Variants in PACSIN1 observed in about 807,000 individuals in gnomAD.
The protein encoded by PACSIN1 is protein kinase C and casein kinase substrate in neurons 1.
A neutral mutation model predicts 59.5 loss-of-function variants in PACSIN1; 15 were observed. The observed-to-expected ratio is 0.25, with a 90% CI of 0.17 to 0.39. PACSIN1 has a LOEUF of 0.39. PACSIN1 is among the 10% of genes least tolerant of loss of function. PACSIN1 has a pLI of 1.00. For missense variants in PACSIN1, 420 were observed against 580.2 expected, an observed-to-expected ratio of 0.72 and a Z score of 2.84; for synonymous variants, 210 against 220.6, an observed-to-expected ratio of 0.95 and a Z score of 0.42.
chr6:34,524,624 A>C (rs1767452566), intron 1 of PACSIN1, among the ~76,000 whole-genome samples: 1 of 152,214 alleles, frequency 6.6e-6, no homozygotes, highest in African/African-American at 2.4e-5. Flanking sequence ...TTATTGACCC[A>C]GCCCTCTGTG....
At chr6:34,474,790 GAAAAAAAA>G (rs60232588) in intron 1 of PACSIN1, among the ~76,000 whole-genome samples, 1 of 78,332 alleles carries the variant, frequency 1.3e-5, no homozygotes, top group African/African-American at 5.6e-5. Flanking sequence ...CTCTGTCTCA[GAAAAAAAA>G]AAAAAAAAAA....
chr6:34,467,137 ACTGT>A (rs138392602), intron 1 of PACSIN1, among the ~76,000 whole-genome samples: 223 of 152,290 alleles, frequency 1.5e-3, no homozygotes, highest in African/African-American at 5.1e-3. Context: ...TGCAAACAGG[ACTGT>A]CTGTCAGTGA....
chr6:34,513,075 C>T lies in PACSIN1; in HGVS notation c.-63-13168C>T, dbSNP rs1171283614. The stretch of plus-strand genomic sequence containing the variant: ...TCAAGGGCAGGGACTCTGTTTTGCC[C>T]ACAGCTGTATCTCAGTGTCTAGAAC... On this transcript the variant is annotated intron_variant, in intron 1 of 9. Coordinates refer to ENST00000244458, the MANE Select transcript of PACSIN1 (RefSeq NM_020804.5). Among the ~76,000 whole-genome samples, 6 of 152,182 alleles carry T rather than the reference C, an allele frequency of 3.9e-5. No homozygotes were observed. The South Asian group carries it at 6.2e-4, about 16-fold the overall frequency.
At position 34,514,145 on chromosome 6, in the gene PACSIN1, G is replaced by T. The variant is rs1767248461; in HGVS notation, c.-63-12098G>T. Among the ~76,000 whole-genome samples, 1 of 152,228 alleles carries T rather than the reference G, an allele frequency of 6.6e-6. No homozygotes were observed. The highest frequency in any genetic ancestry group is 2.4e-5 in the African/African-American group (1 of 41,444). On this transcript the variant is annotated intron_variant, in intron 1 of 9. Coordinates refer to ENST00000244458, the MANE Select transcript of PACSIN1 (RefSeq NM_020804.5). The surrounding 1 kb of genome is among the most constrained non-coding windows in gnomAD (Gnocchi z 4.4). ...GTGCAAATATATGTAATGGGCGTTT[G>T]TATCTGTAAGTGTGTTGTTGGGGTG...
At chr6:34,499,553 G>A (rs1469769465) in intron 1 of PACSIN1, among the ~76,000 whole-genome samples, 2 of 152,114 alleles carry the variant, frequency 1.3e-5, no homozygotes, top group Non-Finnish European at 2.9e-5. Flanking sequence ...CAGCACTTTG[G>A]GAGGCTGAGG....
chr6:34,519,067 G>A (rs180918130), intron 1 of PACSIN1, among the ~76,000 whole-genome samples: 1 of 152,298 alleles, frequency 6.6e-6, no homozygotes, highest in East Asian at 1.9e-4. Flanking sequence ...GGAGAGCACA[G>A]GGGTGGTGAA....
At chr6:34,491,532 T>C (rs1766876541) in intron 1 of PACSIN1, among the ~76,000 whole-genome samples, 1 of 152,018 alleles carries the variant, frequency 6.6e-6, no homozygotes, top group African/African-American at 2.4e-5. Flanking sequence ...GGAGGGTCGC[T>C]GCTGGGAAGT....
At chr6:34,506,632 TG>T (rs1767120300) in intron 1 of PACSIN1, among the ~76,000 whole-genome samples, 1 of 152,150 alleles carries the variant, frequency 6.6e-6, no homozygotes, top group Admixed American at 6.5e-5. Context: ...TAATGCCAGG[TG>T]GGGGTAGAAA....
intron 1 of PACSIN1, among the ~76,000 whole-genome samples, chr6:34,485,730 C>T (rs1766783932): frequency 1.3e-5 from 2 of 152,172 alleles, no homozygotes; most frequent in Non-Finnish European, 2.9e-5. Flanking sequence ...CAGACCTGAG[C>T]CCTGGCCCTG....
intron 1 of PACSIN1, among the ~76,000 whole-genome samples, chr6:34,485,932 C>G (rs1766786939): frequency 6.6e-6 from 1 of 152,250 alleles, no homozygotes. Context: ...ATGGACAGGC[C>G]TTTCCAGGAG....
rs185780943 is a variant in PACSIN1, at chr6:34,517,909, C to T, written c.-63-8334C>T. Among the ~76,000 whole-genome samples the T allele has an allele frequency of 6.6e-5, 10 of 152,340 alleles. No homozygotes were observed. In the East Asian group the frequency reaches 1.9e-3, roughly 29 times the overall value. On this transcript the variant is annotated intron_variant, in intron 1 of 9. Transcript: ENST00000244458. ...CACTGCTGTAGCCCAGCTCTGCACCCTGAGAATCAGGGCTGCAGTGTAAAG... is the reference window on the plus strand; with the variant it reads ...CACTGCTGTAGCCCAGCTCTGCACCTTGAGAATCAGGGCTGCAGTGTAAAG...
intron 1 of PACSIN1, among the ~76,000 whole-genome samples, chr6:34,475,194 T>TG (rs1766621458): frequency 6.6e-6 from 1 of 152,158 alleles, no homozygotes; most frequent in Admixed American, 6.5e-5. Flanking sequence ...AGGGTTTGGG[T>TG]GGGGGCAGAG....
chr6:34,497,868 G>A (rs773570129), intron 1 of PACSIN1, among the ~76,000 whole-genome samples: 49 of 152,204 alleles, frequency 3.2e-4, no homozygotes, highest in Middle Eastern at 3.4e-3. Context: ...CATGGGCCAC[G>A]CCTCATGCTA....
At chr6:34,528,975 A>G (rs1027319890) in intron 4 of PACSIN1, 98 bp downstream of exon 4, 18 of 931,904 alleles carry the variant, frequency 1.9e-5, no homozygotes, top group Admixed American at 4.1e-5. Context: ...TGGGCTGGGC[A>G]CTGCCCTCTG....
intron 1 of PACSIN1, among the ~76,000 whole-genome samples, chr6:34,512,214 G>A (rs1360745963): frequency 6.6e-6 from 1 of 151,944 alleles, no homozygotes; most frequent in Admixed American, 6.6e-5. Flanking sequence ...GGCTGAGGGT[G>A]GATGCTCTCT....
At chr6:34,526,902 C>T (rs1767494990) in intron 2 of PACSIN1, among the ~76,000 whole-genome samples, 1 of 152,166 alleles carries the variant, frequency 6.6e-6, no homozygotes, top group South Asian at 2.1e-4. Context: ...AATTAATAAG[C>T]GTTTAATGAG....
In PACSIN1 at chr6:34,531,500, T is replaced by G. The variant is rs1293888376; in HGVS notation, c.1038-100T>G. 1 of 1,235,778 alleles carries G rather than the reference T, an allele frequency of 8.1e-7. No individual in the cohort carries two copies. Among genetic ancestry groups the G allele is most frequent in the Non-Finnish European group, 1.2e-6 (1 of 863,062 alleles). 76.6% of individuals were successfully genotyped at this position (1,235,778 alleles called of 1,614,324 possible). A position where few individuals can be genotyped will look rare whatever the true frequency, so the allele number is the denominator to read the frequency against. ...ATGTGGCCAATCCTTGCTCTAGCCT[T>G]GGTAGAATTCGGGATCAGGGCTCTG... On this transcript the variant is annotated intron_variant, in intron 8 of 9. Transcript: ENST00000244458. The surrounding 1 kb of genome is among the most constrained non-coding windows in gnomAD (Gnocchi z 4.4).
intron 1 of PACSIN1, among the ~76,000 whole-genome samples, chr6:34,504,246 A>ATGTG (rs372732742): frequency 3.0e-3 from 327 of 107,810 alleles, no homozygotes; most frequent in South Asian, 0.018. Context: ...AGACAATGTT[A>ATGTG]TGTGTGTGTG....
chr6:34,519,610 C>T (rs1767353365), intron 1 of PACSIN1, among the ~76,000 whole-genome samples: 1 of 152,054 alleles, frequency 6.6e-6, no homozygotes, highest in South Asian at 2.1e-4. Flanking sequence ...GTCATGAAGG[C>T]TCTGTAGCTG....
Sources: allele counts gnomAD v4.1 joint callset (sites outside exome capture counted in the v4.1 genomes callset), GRCh38; gene constraint gnomAD v4.1.1; non-coding constraint Gnocchi (gnomAD v3.1); transcripts MANE v1.5; gene names NCBI Gene and HGNC (gene_info 2026-07-23, HGNC 2026-07-21).